ZNF195: variants seen among roughly 807,000 people sequenced by gnomAD.
ZNF195 encodes zinc finger protein 195, also known as hypoxia-regulated factor-1.
ZNF195 carries 11 observed loss-of-function variants against 19.5 expected under a neutral mutation model. The ratio of observed to expected loss-of-function variants is 0.57; its 90% CI spans 0.36 to 0.94. ZNF195 has a LOEUF of 0.94. Among genes scored for constraint, ZNF195 ranks in the 40% least tolerant of loss-of-function variants. The probability of loss-of-function intolerance (pLI) is 0.01; values close to 1 mark genes in which losing one functional copy is unlikely to be tolerated. For synonymous variants in ZNF195, 214 were observed against 248.1 expected (o/e 0.86, Z 1.29); for missense variants, 582 against 709.0 (o/e 0.82, Z 2.03).
chr11:3,360,284 T>C lies in ZNF195; in HGVS notation c.724A>G (p.Lys242Glu), dbSNP rs1270299525. Residue 242 changes from lysine (K) to glutamate (E), a missense_variant, in exon 6 of 6, where the codon AAA (lysine) becomes GAA (glutamate). Around this residue, in one of 3 missense-constraint regions of ZNF195, gnomAD observed 407 missense variants for 530.5 expected, o/e 0.77. Transcript: ENST00000399602. ...CCACATTCTTGACATTTGAAAGGTTTCTCTCCAGTATTACTTATATTACGT... is the reference window on the plus strand; with the variant it reads ...CCACATTCTTGACATTTGAAAGGTTCCTCTCCAGTATTACTTATATTACGT... ...HRRNISNTGE[K>E]PFKCQECGKS... The C allele has an allele frequency of 6.2e-7, 1 of 1,611,668 alleles. No homozygotes were observed. Among genetic ancestry groups the C allele is most frequent in the East Asian group, 2.2e-5 (1 of 44,858 alleles).
At chr11:3,368,002 T>G (rs944187275) in intron 3 of ZNF195, among the ~76,000 whole-genome samples, 5 of 151,958 alleles carry the variant, frequency 3.3e-5, no homozygotes, top group Non-Finnish European at 7.4e-5. Flanking sequence ...TGCTTGAACC[T>G]GGGAGGTGGA....
Position 3,358,418 on chromosome 11 carries a change from A to C in ZNF195, c.*700T>G, listed in dbSNP as rs998076887. The stretch of plus-strand genomic sequence containing the variant: ...TACCAAGATTTTACTCACGCATCTT[A>C]CATTTCAGTGTCTTTCACCTTTCAC... On this transcript the variant is annotated 3_prime_UTR_variant, in exon 6 of 6. Coordinates refer to ENST00000399602, the MANE Select transcript of ZNF195 (RefSeq NM_001130520.3). The C allele has an allele frequency of 1.3e-5, 2 of 152,236 alleles. No individual in the cohort carries two copies. The highest frequency in any genetic ancestry group is 4.8e-5 in the African/African-American group (2 of 41,448). The allele number at this position is 152,236 out of a possible 1,614,324, so 9.4% of individuals were successfully genotyped here.
chr11:3,368,873 C>G, intron 3 of ZNF195: 1 of 454,784 alleles, frequency 2.2e-6, no homozygotes, highest in South Asian at 1.6e-5. Flanking sequence ...AACAGAATAC[C>G]CGCAATCAAA....
In ZNF195 at chr11:3,358,736, A is replaced by G; in HGVS notation, c.*382T>C. ...CTAGATGTCTCTGTAGACTCAACACAGGGATTCAGTGTCATTTCTGAACGT... is the reference window on the plus strand; with the variant it reads ...CTAGATGTCTCTGTAGACTCAACACGGGGATTCAGTGTCATTTCTGAACGT... On this transcript the variant is annotated 3_prime_UTR_variant, in exon 6 of 6. Coordinates refer to ENST00000399602, the MANE Select transcript of ZNF195 (RefSeq NM_001130520.3). The G allele has an allele frequency of 1.1e-5, 2 of 184,852 alleles. No homozygotes were observed. Among genetic ancestry groups the G allele is most frequent in the African/African-American group, 2.3e-5 (1 of 42,564 alleles). The allele number at this position is 184,852 out of a possible 1,614,324, so 11.5% of individuals were successfully genotyped here. A position where few individuals can be genotyped will look rare whatever the true frequency, so the allele number is the denominator to read the frequency against.
chr11:3,378,374 G>A (rs1259482729), intron 1 of ZNF195, among the ~76,000 whole-genome samples: 1 of 37,612 alleles, frequency 2.7e-5, no homozygotes, highest in Non-Finnish European at 7.4e-5. Context: ...TGGGTTCTTA[G>A]GTTAAAAAAA....
In ZNF195 at chr11:3,359,865, G is replaced by A. The variant is rs1848542833; in HGVS notation, c.1143C>T (p.Leu381=). 1 of 1,614,136 alleles carries A rather than the reference G, an allele frequency of 6.2e-7. No individual in the cohort carries two copies. Among genetic ancestry groups the A allele is most frequent in the Non-Finnish European group, 8.5e-7 (1 of 1,180,028 alleles). The change falls in exon 6 of 6, where the codon CTC becomes CTT. Residue 381 remains leucine, a synonymous_variant. Transcript: ENST00000399602. The surrounding 1 kb of genome is among the most constrained non-coding windows in gnomAD (Gnocchi z 5.5). ...CTTTGTACCATGTTTCACATTTGGA[G>A]AGCTTCTCTCCAGCAAGAATCATCT... ...NQQMILAGEK[L]SKCETWYKGF...
chr11:3,378,650 C>A lies in ZNF195; in HGVS notation c.3+388G>T, dbSNP rs563493416. 2.6e-5 allele frequency among the ~76,000 whole-genome samples: 4 copies of A among 152,346 alleles called. No homozygotes were observed. The East Asian group carries it at 7.7e-4, about 29-fold the overall frequency. ...AAACATGGTTGGGTCCTCTGCCATT[C>A]ATGAATCGCTCTTTGCTCAAATAAA... On this transcript the variant is annotated intron_variant, in intron 1 of 5. Transcript: ENST00000399602.
At position 3,358,061 on chromosome 11, in the gene ZNF195, G is replaced by A. The variant is rs1589797066; in HGVS notation, c.*1057C>T. 1 of 152,026 alleles carries A rather than the reference G, an allele frequency of 6.6e-6. No individual in the cohort carries two copies. Among genetic ancestry groups the A allele is most frequent in the Non-Finnish European group, 1.5e-5 (1 of 68,080 alleles). 9.4% of individuals were successfully genotyped at this position (152,026 alleles called of 1,614,324 possible). A position where few individuals can be genotyped will look rare whatever the true frequency, so the allele number is the denominator to read the frequency against. On this transcript the variant is annotated 3_prime_UTR_variant, in exon 6 of 6. Coordinates refer to ENST00000399602, the MANE Select transcript of ZNF195 (RefSeq NM_001130520.3). The stretch of plus-strand genomic sequence containing the variant: ...TGCGGGAGCTGAGTTGGGGGTGCAG[G>A]AGAACTGGGTTGGGGTGGGGGAGCT...
At chr11:3,371,323 T>C (rs1006587951) in intron 2 of ZNF195, among the ~76,000 whole-genome samples, 8 of 152,080 alleles carry the variant, frequency 5.3e-5, no homozygotes, top group African/African-American at 1.9e-4. Flanking sequence ...CAATATTTCA[T>C]GCCACTGAAT....
chr11:3,371,359 G>C (rs1849200993), intron 2 of ZNF195, among the ~76,000 whole-genome samples: 1 of 151,536 alleles, frequency 6.6e-6, no homozygotes, highest in South Asian at 2.1e-4. Context: ...TAGAGTGAAA[G>C]ATACAGATCA....
At chr11:3,364,154 C>T (rs188354602) in intron 3 of ZNF195, among the ~76,000 whole-genome samples, 6 of 152,274 alleles carry the variant, frequency 3.9e-5, no homozygotes, top group Admixed American at 3.9e-4. Flanking sequence ...ACCACTAGTA[C>T]AGTTCTACAA....
At chr11:3,362,061 A>G (rs1294681125) in intron 3 of ZNF195, 172 bp from the exon 4 acceptor site, 11 of 442,772 alleles carry the variant, frequency 2.5e-5, no homozygotes, top group African/African-American at 2.2e-4. Context: ...CCCTGTCTCA[A>G]AAAAAGTACA....
At chr11:3,378,560 G>C (rs1173318874) in intron 1 of ZNF195, among the ~76,000 whole-genome samples, 1 of 152,196 alleles carries the variant, frequency 6.6e-6, no homozygotes, top group Admixed American at 6.5e-5. Context: ...AATGTGGTTT[G>C]CTTCCTCATG....
At chr11:3,361,145 A>AATCTC (rs113278013) in intron 4 of ZNF195, among the ~76,000 whole-genome samples, 3,786 of 152,306 alleles carry the variant, frequency 0.025, 154 homozygotes, top group African/African-American at 0.084. Context: ...GAAAGCTGAG[A>AATCTC]AACCCTCTTT....
At chr11:3,368,077 A>AAAACAAAC (rs111331503) in intron 3 of ZNF195, among the ~76,000 whole-genome samples, 21,017 of 150,894 alleles carry the variant, frequency 0.14, 1,878 homozygotes, top group East Asian at 0.43. Flanking sequence ...ACTCTATCTC[A>AAAACAAAC]AAACAAACAA....
chr11:3,377,660 G>T (rs200666011), intron 1 of ZNF195: 50 of 1,246,798 alleles, frequency 4.0e-5, no homozygotes, highest in Non-Finnish European at 5.2e-6. Context: ...CTCAGCCCAG[G>T]GCATCCAGCT....
intron 1 of ZNF195, chr11:3,375,585 A>G (rs1471815605): frequency 6.6e-6 from 1 of 152,176 alleles, no homozygotes; most frequent in Non-Finnish European, 1.5e-5. Context: ...GCTGAATTCA[A>G]TGATTTATCC....
At chr11:3,372,049 A>G (rs1849238672) in intron 1 of ZNF195, among the ~76,000 whole-genome samples, 1 of 152,212 alleles carries the variant, frequency 6.6e-6, no homozygotes, top group Admixed American at 6.5e-5. Flanking sequence ...TGTGTCCAAT[A>G]AACTAGTGTG....
intron 1 of ZNF195, 31 bp downstream of exon 1, chr11:3,379,007 G>T (rs2301567): frequency 0.068 from 95,411 of 1,402,678 alleles, 5,847 homozygotes; most frequent in East Asian, 0.39. Context: ...GCCCCTCCCT[G>T]TCTCTCAGGA....
Sources: allele counts gnomAD v4.1 joint callset (sites outside exome capture counted in the v4.1 genomes callset), GRCh38; gene constraint gnomAD v4.1.1; regional missense constraint gnomAD v4.1.1; non-coding constraint Gnocchi (gnomAD v3.1); transcripts MANE v1.5; gene names NCBI Gene and HGNC (gene_info 2026-07-23, HGNC 2026-07-21).